Variants in FAM110B observed in about 807,000 individuals in gnomAD.
The protein encoded by FAM110B is family with sequence similarity 110 member B, also known as protein FAM110B.
Under a neutral mutation model 20.4 loss-of-function variants are expected in FAM110B, and 6 were observed. The observed-to-expected ratio is 0.29, with a 90% CI of 0.16 to 0.58. The LOEUF is 0.58. Among genes scored for constraint, FAM110B ranks in the 20% least tolerant of loss-of-function variants. The probability of loss-of-function intolerance (pLI) is 0.90; values close to 1 mark genes in which losing one functional copy is unlikely to be tolerated. For synonymous variants in FAM110B, 226 were observed against 214.1 expected, an observed-to-expected ratio of 1.06 and a Z score of -0.49; for missense variants, 434 against 498.2, an observed-to-expected ratio of 0.87 and a Z score of 1.23.
At chr8:58,139,338 G>A (rs1021584843) in intron 3 of FAM110B, among the ~76,000 whole-genome samples, 1 of 152,226 alleles carries the variant, frequency 6.6e-6, no homozygotes, top group Non-Finnish European at 1.5e-5. Context: ...ATTATAGATG[G>A]TGAGGGATTT....
chr8:58,051,721 G>GT (rs969303645), intron 2 of FAM110B, among the ~76,000 whole-genome samples: 2 of 152,170 alleles, frequency 1.3e-5, no homozygotes, highest in African/African-American at 4.8e-5. Context: ...GGAGATAGAT[G>GT]TATATTAGTA....
chr8:58,005,307 C>T (rs1804378145), intron 1 of FAM110B, among the ~76,000 whole-genome samples: 1 of 152,164 alleles, frequency 6.6e-6, no homozygotes, highest in Admixed American at 6.5e-5. Context: ...GTTATGTTTG[C>T]TATCTTTTGT....
chr8:58,059,004 C>A (rs965585631), intron 2 of FAM110B, among the ~76,000 whole-genome samples: 1 of 152,130 alleles, frequency 6.6e-6, no homozygotes, highest in African/African-American at 2.4e-5. Context: ...ATTCTATAAT[C>A]GTGAGTTAGT....
intron 1 of FAM110B, among the ~76,000 whole-genome samples, chr8:58,005,869 A>T (rs747026990): frequency 2.0e-5 from 3 of 152,190 alleles, no homozygotes; most frequent in Non-Finnish European, 4.4e-5. Context: ...AGTGTTCTGA[A>T]ACTTGAAAAT....
chr8:57,997,049 T>TTTTA (rs1804199250), intron 1 of FAM110B, among the ~76,000 whole-genome samples: 1 of 152,228 alleles, frequency 6.6e-6, no homozygotes, highest in Non-Finnish European at 1.5e-5. Context: ...TGAAGTGACT[T>TTTTA]TTTAAAAAAT....
chr8:58,128,873 T>G (rs1807578703), intron 3 of FAM110B, among the ~76,000 whole-genome samples: 1 of 152,210 alleles, frequency 6.6e-6, no homozygotes, highest in African/African-American at 2.4e-5. Flanking sequence ...CTCCCTAGGA[T>G]AACTTTTCTT....
intron 3 of FAM110B, among the ~76,000 whole-genome samples, chr8:58,102,685 G>A (rs1035457590): frequency 2.6e-5 from 4 of 152,146 alleles, no homozygotes; most frequent in Non-Finnish European, 4.4e-5. Flanking sequence ...ACTGCCCTCA[G>A]CCTCCATTCT....
chr8:58,011,243 G>T (rs949629180), intron 1 of FAM110B, among the ~76,000 whole-genome samples: 1 of 152,104 alleles, frequency 6.6e-6, no homozygotes, highest in Non-Finnish European at 1.5e-5. Flanking sequence ...GCCCTGGCTG[G>T]CATGGCAAAT....
At chr8:58,144,242 G>A (rs780919844) in intron 3 of FAM110B, among the ~76,000 whole-genome samples, 6 of 152,220 alleles carry the variant, frequency 3.9e-5, no homozygotes, top group Non-Finnish European at 8.8e-5. Flanking sequence ...TGACCTCGGA[G>A]TTGCATCCTG....
At chr8:58,018,159 G>A (rs1300506667) in intron 1 of FAM110B, among the ~76,000 whole-genome samples, 4 of 151,998 alleles carry the variant, frequency 2.6e-5, no homozygotes, top group Non-Finnish European at 4.4e-5. Flanking sequence ...AATTTTTTCT[G>A]CCTGTTCTAT....
chr8:58,092,298 G>C (rs145406036), intron 3 of FAM110B, among the ~76,000 whole-genome samples: 1 of 151,820 alleles, frequency 6.6e-6, no homozygotes, highest in East Asian at 1.9e-4. Context: ...CAGAATGTGC[G>C]GGTTTGTTAC....
chr8:58,037,620 G>A (rs903750366), intron 2 of FAM110B, among the ~76,000 whole-genome samples: 1 of 152,004 alleles, frequency 6.6e-6, no homozygotes, highest in Non-Finnish European at 1.5e-5. Context: ...CTGAGCGACA[G>A]AGTAAGACTC....
Position 58,029,374 on chromosome 8 carries a change from A to C in FAM110B, c.-511-2232A>C, listed in dbSNP as rs1001725752. Among the ~76,000 whole-genome samples the C allele has an allele frequency of 7.9e-5, 12 of 152,294 alleles. No individual in the cohort carries two copies. The East Asian group carries it at 2.3e-3, about 29-fold the overall frequency. ...TTTATCTAGGTTAGACAACCTAAGA[A>C]TATCCCAAATTTCATTTTGGATTTC... is the stretch of plus-strand genomic sequence containing the variant. On this transcript the variant is annotated intron_variant, in intron 1 of 3. Transcript: ENST00000519262.
At chr8:58,141,526 T>A (rs1019256427) in intron 3 of FAM110B, among the ~76,000 whole-genome samples, 1 of 152,218 alleles carries the variant, frequency 6.6e-6, no homozygotes, top group Non-Finnish European at 1.5e-5. Context: ...TTACTCATTC[T>A]CACATAGAAA....
intron 3 of FAM110B, among the ~76,000 whole-genome samples, chr8:58,105,731 G>A (rs1432070758): frequency 6.6e-6 from 1 of 151,552 alleles, no homozygotes; most frequent in African/African-American, 2.4e-5. Flanking sequence ...ACCATGCGTG[G>A]CTAATTTTTT....
chr8:58,139,791 A>G (rs550305021), intron 3 of FAM110B, among the ~76,000 whole-genome samples: 6 of 152,236 alleles, frequency 3.9e-5, no homozygotes, highest in Admixed American at 2.6e-4. Context: ...TTAGCTGGGC[A>G]TGGTGGCAGC....
chr8:58,132,167 T>C (rs951051162), intron 3 of FAM110B, among the ~76,000 whole-genome samples: 20 of 152,170 alleles, frequency 1.3e-4, no homozygotes, highest in African/African-American at 4.8e-4. Flanking sequence ...TCATTGGGCC[T>C]ATTTTTTATA....
chr8:58,052,889 C>T (rs1016037490), intron 2 of FAM110B, among the ~76,000 whole-genome samples: 5 of 141,098 alleles, frequency 3.5e-5, no homozygotes, highest in Non-Finnish European at 7.6e-5. Flanking sequence ...GGGTTCACGC[C>T]ATTCTCCTGC....
In FAM110B at chr8:58,093,704, T is replaced by C. The variant is rs539811516; in HGVS notation, c.-325+18081T>C. ...CATGATGCCTCCAGCTTTGTTCTTT[T>C]TGTTTAGAATTGTCTTGGCTATGCG... On this transcript the variant is annotated intron_variant, in intron 3 of 3. Transcript: ENST00000519262. 3.9e-5 allele frequency among the ~76,000 whole-genome samples: 6 copies of C among 152,328 alleles called. No homozygotes were observed. The South Asian group carries it at 1.2e-3, about 32-fold the overall frequency.
Sources: gnomAD v4.1 joint callset for allele counts (sites outside exome capture counted in the v4.1 genomes callset) on GRCh38, gnomAD v4.1.1 for gene constraint, MANE v1.5 for transcripts, NCBI Gene and HGNC (gene_info 2026-07-23, HGNC 2026-07-21) for gene names.